The following NIBAN2 variants were observed in gnomAD, a reference collection of about 807,000 sequenced individuals.
NIBAN2 encodes the protein niban apoptosis regulator 2, also known as protein Niban 2.
In NIBAN2, 36 loss-of-function variants were observed where a neutral mutation model predicts 81.8. The observed-to-expected ratio is 0.44, with a 90% CI of 0.34 to 0.58. The LOEUF (loss-of-function observed/expected upper bound fraction) is 0.58, where lower values mean the gene tolerates loss of function less well. NIBAN2 is among the 20% of genes least tolerant of loss of function. The pLI is 0.02. For synonymous variants in NIBAN2, 445 were observed against 441.6 expected, an observed-to-expected ratio of 1.01 and a Z score of -0.10; for missense variants, 897 against 1,014.1, an observed-to-expected ratio of 0.88 and a Z score of 1.57.
chr9:127,518,394 T>G (rs2132166861), intron 5 of NIBAN2, among the ~76,000 whole-genome samples: 1 of 152,246 alleles, frequency 6.6e-6, no homozygotes, highest in African/African-American at 2.4e-5. Flanking sequence ...CGAGCCCCAG[T>G]TCCTCCCTTA....
At chr9:127,570,651 G>T (rs564169039), upstream of NIBAN2, among the ~76,000 whole-genome samples, 43 of 152,318 alleles carry the variant, frequency 2.8e-4, 1 homozygote, top group South Asian at 3.3e-3. Flanking sequence ...CTGTTTTAAG[G>T]AAAATCACAG....
intron 1 of NIBAN2, among the ~76,000 whole-genome samples, chr9:127,533,213 T>C (rs899991723): frequency 6.6e-6 from 1 of 151,616 alleles, no homozygotes; most frequent in Non-Finnish European, 1.5e-5. Context: ...TCCCAGCACT[T>C]TGGGAGGCCG....
intron 1 of NIBAN2, among the ~76,000 whole-genome samples, chr9:127,560,653 C>T (rs1309817015): frequency 6.6e-6 from 1 of 152,210 alleles, no homozygotes; most frequent in Non-Finnish European, 1.5e-5. Context: ...GAAGCACACA[C>T]AGGCAGACAC....
chr9:127,567,828 A>G (rs1460267841), intron 1 of NIBAN2, among the ~76,000 whole-genome samples: 1 of 152,180 alleles, frequency 6.6e-6, no homozygotes, highest in African/African-American at 2.4e-5. Flanking sequence ...AAGCCTCCCA[A>G]CAACTCATTA....
At chr9:127,533,620 C>T (rs971924408) in intron 1 of NIBAN2, among the ~76,000 whole-genome samples, 3 of 152,182 alleles carry the variant, frequency 2.0e-5, no homozygotes, top group South Asian at 2.1e-4. Flanking sequence ...GGCGACAGAG[C>T]GAGACCCTGT....
Position 127,545,882 on chromosome 9 carries a change from C to A in NIBAN2, c.56-14104G>T, listed in dbSNP as rs1837462331. On this transcript the variant is annotated intron_variant, in intron 1 of 13. Coordinates refer to ENST00000373312, the MANE Select transcript of NIBAN2 (RefSeq NM_022833.4). The surrounding 1 kb of genome is among the most constrained non-coding windows in gnomAD (Gnocchi z 4.7). ...CCCTCTCATCCCCTCCTGCCCCCCACCCCGCCTGCCTGGCAGCGGCCCCAG... is the reference window on the plus strand; with the variant it reads ...CCCTCTCATCCCCTCCTGCCCCCCAACCCGCCTGCCTGGCAGCGGCCCCAG... 6.6e-6 allele frequency among the ~76,000 whole-genome samples: 1 copy of A among 152,202 alleles called. No homozygotes were observed.
rs757748473 is a variant in NIBAN2, at chr9:127,506,996, G to C, written c.2090C>G (p.Pro697Arg). The change falls in exon 14 of 14, where the codon CCC becomes CGC. Residue 697 changes from proline to arginine, a missense_variant. Pro to Arg is a moderately radical substitution (Grantham distance 103, BLOSUM62 -2). This residue lies in a region of NIBAN2 where 619 missense variants were observed against 691.0 expected (regional missense o/e 0.90). Coordinates refer to ENST00000373312, the MANE Select transcript of NIBAN2 (RefSeq NM_022833.4). The part of the protein sequence containing the change: ...APEASSPPAS[P>R]LQHLLPGKAV... ...CTTTCCAGGCAGGAGATGCTGGAGG[G>C]GTGAGGCAGGCGGCGAGGAGGCCTC... 6.3e-7 allele frequency: 1 copy of C among 1,597,410 alleles called. No individual in the cohort carries two copies. Among genetic ancestry groups the C allele is most frequent in the Admixed American group, 1.7e-5 (1 of 58,772 alleles).
rs71380069 is a variant in NIBAN2, at chr9:127,523,192, AATATATATATATATATATATATATAT to A, written c.589+461_589+486del. The stretch of plus-strand genomic sequence containing the variant: ...TTTAAAAAAAAAAAAAAAAAAAAAA[AATATATATATATATATATATATATAT>A]ATATATATATATATATATATATATA... On this transcript the variant is annotated intron_variant, in intron 5 of 13. Coordinates refer to ENST00000373312, the MANE Select transcript of NIBAN2 (RefSeq NM_022833.4). Among the ~76,000 whole-genome samples, 29 of 13,452 alleles carry A rather than the reference AATATATATATATATATATATATATAT, an allele frequency of 2.2e-3. 4 individuals carry two copies. Among genetic ancestry groups the A allele is most frequent in the East Asian group, 3.0e-3 (1 of 334 alleles). The allele number at this position is 13,452 out of a possible 152,430, so 8.8% of individuals were successfully genotyped here.
chr9:127,527,884 G>A (rs1287824728), intron 2 of NIBAN2, among the ~76,000 whole-genome samples: 2 of 152,162 alleles, frequency 1.3e-5, no homozygotes, highest in African/African-American at 2.4e-5. Context: ...CTGATGAGAC[G>A]CCTTCCTAAA....
At chr9:127,546,423 C>G (rs1355031594) in intron 1 of NIBAN2, among the ~76,000 whole-genome samples, 1 of 152,214 alleles carries the variant, frequency 6.6e-6, no homozygotes, top group South Asian at 2.1e-4. Flanking sequence ...AGGTGCCCCC[C>G]ACGGGCCTGG....
rs991370591 is a variant in NIBAN2, at chr9:127,527,520, C to T, written c.187-198G>A. Among the ~76,000 whole-genome samples the T allele has an allele frequency of 2.6e-4, 40 of 152,204 alleles. 1 individual carries two copies. Among genetic ancestry groups the T allele is most frequent in the Non-Finnish European group, 1.0e-4 (7 of 68,028 alleles). On this transcript the variant is annotated intron_variant, in intron 2 of 13. Coordinates refer to ENST00000373312, the MANE Select transcript of NIBAN2 (RefSeq NM_022833.4). ...CATTCTGCAGAGGAGGAGCGAGACT[C>T]GGAGCCGTGGAGGGGCTCACCCAGC... is the stretch of plus-strand genomic sequence containing the variant.
intron 1 of NIBAN2, among the ~76,000 whole-genome samples, chr9:127,567,682 A>G (rs1209040528): frequency 6.6e-6 from 1 of 152,140 alleles, no homozygotes; most frequent in Non-Finnish European, 1.5e-5. Context: ...CAGGACACAA[A>G]AATAAGTGCA....
chr9:127,515,543 AC>A (rs58735322), intron 8 of NIBAN2, among the ~76,000 whole-genome samples: 93,283 of 132,646 alleles, frequency 0.7, 33,746 homozygotes, highest in Middle Eastern at 0.76. Flanking sequence ...AAAAAAACAA[AC>A]AAAAAAAACA....
chr9:127,561,164 C>T (rs774943287), intron 1 of NIBAN2: 360 of 985,434 alleles, frequency 3.7e-4, no homozygotes, highest in Non-Finnish European at 4.2e-4. Context: ...GGAACCACAG[C>T]CCCATCCCAC....
rs1837034854 is a variant in NIBAN2 at position 127,525,050 on chromosome 9, T to C, written c.421+8A>G. The C allele has an allele frequency of 1.9e-6, 3 of 1,606,740 alleles. No individual in the cohort carries two copies. The highest frequency in any genetic ancestry group is 1.7e-5 in the Admixed American group (1 of 59,974). On this transcript the variant is annotated splice_region_variant and intron_variant, in intron 4 of 13. Coordinates refer to ENST00000373312, the MANE Select transcript of NIBAN2 (RefSeq NM_022833.4). ...GGGCATTGTGGCCTGGGATGGGTGC[T>C]CCTTTACCTGGTAAGGAGTTGCCAA...
At chr9:127,523,224 T>A (rs189841415) in intron 5 of NIBAN2, among the ~76,000 whole-genome samples, 1,076 of 20,742 alleles carry the variant, frequency 0.052, 330 homozygotes, top group Non-Finnish European at 0.076. Flanking sequence ...TATATATATA[T>A]ATATATATAT....
intron 1 of NIBAN2, among the ~76,000 whole-genome samples, chr9:127,542,093 C>G (rs927119763): frequency 6.6e-6 from 1 of 152,210 alleles, no homozygotes; most frequent in Non-Finnish European, 1.5e-5. Flanking sequence ...ACAGGGGCCA[C>G]AGGGGAGTTG....
At chr9:127,524,998 C>T in intron 4 of NIBAN2, 60 bp downstream of exon 4, 1 of 1,358,800 alleles carries the variant, frequency 7.4e-7, no homozygotes, top group Non-Finnish European at 1.1e-6. Context: ...GCCACCCCTC[C>T]CCTGGCCAGC....
At chr9:127,520,277 C>T (rs943836960) in intron 5 of NIBAN2, among the ~76,000 whole-genome samples, 4 of 144,224 alleles carry the variant, frequency 2.8e-5, no homozygotes, top group Admixed American at 1.4e-4. Context: ...CTTACTCTGT[C>T]GCCCAGGCTG....
Sources: allele counts gnomAD v4.1 joint callset (sites outside exome capture counted in the v4.1 genomes callset), GRCh38; gene constraint gnomAD v4.1.1; regional missense constraint gnomAD v4.1.1; non-coding constraint Gnocchi (gnomAD v3.1); transcripts MANE v1.5; gene names NCBI Gene and HGNC (gene_info 2026-07-23, HGNC 2026-07-21).